The following JAKMIP2 variants were observed in gnomAD, a reference collection of about 807,000 sequenced individuals.
JAKMIP2 encodes the protein janus kinase and microtubule interacting protein 2.
Under a neutral mutation model 115.0 loss-of-function variants are expected in JAKMIP2, and 25 were observed. That is an observed-to-expected ratio of 0.22 (90% CI 0.16 to 0.30). The LOEUF is 0.30. Ranked by LOEUF, JAKMIP2 falls within the 10% of genes least tolerant of loss-of-function variation. The pLI, the probability that JAKMIP2 is intolerant of heterozygous loss-of-function variation, is 1.00. For synonymous variants in JAKMIP2, 334 were observed against 343.6 expected, an observed-to-expected ratio of 0.97 and a Z score of 0.31; for missense variants, 642 against 957.6, an observed-to-expected ratio of 0.67 and a Z score of 4.35.
Position 147,700,280 on chromosome 5 carries a change from T to C in JAKMIP2, c.-148-28326A>G, listed in dbSNP as rs1468815881. Among the ~76,000 whole-genome samples, 4 of 152,036 alleles carry C rather than the reference T, an allele frequency of 2.6e-5. No individual in the cohort carries two copies. In the South Asian group the frequency reaches 6.2e-4, roughly 24 times the overall value. On this transcript the variant is annotated intron_variant, in intron 1 of 21. Transcript: ENST00000616793. ...GATATAAACAAAGAACTAGTGGCTA[T>C]AAAAATAAATCAAACCTTTAGGATG...
chr5:147,700,512 A>G (rs1313856284), intron 1 of JAKMIP2, among the ~76,000 whole-genome samples: 1 of 152,202 alleles, frequency 6.6e-6, no homozygotes, highest in Admixed American at 6.5e-5. Context: ...TGCAGTTTCT[A>G]GGAGAAGAAA....
chr5:147,623,623 T>C lies in JAKMIP2; in HGVS notation c.2062A>G (p.Met688Val), dbSNP rs1235973173. 2 of 1,595,620 alleles carry C rather than the reference T, an allele frequency of 1.3e-6. No homozygotes were observed. The highest frequency in any genetic ancestry group is 1.1e-5 in the South Asian group (1 of 90,710). Reference sequence around the variant, plus strand: ...ACAATATCTCATCTTGTACTTACCATGTCACTTTCCAATTCCATCATTTTC... The same window carrying C: ...ACAATATCTCATCTTGTACTTACCACGTCACTTTCCAATTCCATCATTTTC... ...HQKMMELESDMEQFCKIKGYL... is the reference protein window; with the variant it reads ...HQKMMELESDVEQFCKIKGYL... Residue 688 changes from methionine (M) to valine (V), a missense_variant and splice_region_variant, in exon 17 of 22, where the codon ATG becomes GTG. This residue lies in a region of JAKMIP2 where 68 missense variants were observed against 104.6 expected (regional missense o/e 0.65). Coordinates refer to ENST00000616793, the MANE Select transcript of JAKMIP2 (RefSeq NM_001270941.2).
At chr5:147,697,454 T>A (rs1341400774) in intron 1 of JAKMIP2, among the ~76,000 whole-genome samples, 2 of 152,086 alleles carry the variant, frequency 1.3e-5, no homozygotes, top group Non-Finnish European at 2.9e-5. Context: ...AAAAGCCAAA[T>A]GTTAATCACC....
chr5:147,751,975 T>A (rs1754576938), intron 1 of JAKMIP2, among the ~76,000 whole-genome samples: 1 of 152,122 alleles, frequency 6.6e-6, no homozygotes, highest in African/African-American at 2.4e-5. Context: ...TAAACTAGTA[T>A]GAAAATACAG....
At chr5:147,705,287 G>A (rs1752518489) in intron 1 of JAKMIP2, among the ~76,000 whole-genome samples, 1 of 152,098 alleles carries the variant, frequency 6.6e-6, no homozygotes, top group South Asian at 2.1e-4. Context: ...TTCACTCAGA[G>A]ACAGTGAATG....
At chr5:147,755,411 G>A (rs577127306) in intron 1 of JAKMIP2, among the ~76,000 whole-genome samples, 2 of 152,230 alleles carry the variant, frequency 1.3e-5, no homozygotes, top group African/African-American at 4.8e-5. Flanking sequence ...ACTTCATCAG[G>A]ACCTCCTGAG....
chr5:147,625,075 G>T (rs1055551121), intron 16 of JAKMIP2, among the ~76,000 whole-genome samples: 4 of 152,026 alleles, frequency 2.6e-5, no homozygotes, highest in African/African-American at 9.7e-5. Context: ...CCGCCTCCAG[G>T]TTCAAGCGAT....
intron 1 of JAKMIP2, among the ~76,000 whole-genome samples, chr5:147,695,437 A>G (rs746422002): frequency 6.6e-6 from 1 of 152,148 alleles, no homozygotes; most frequent in Admixed American, 6.6e-5. Flanking sequence ...CAGCTTGGCT[A>G]TATCAGTTCC....
At chr5:147,751,256 G>GTTTTTT (rs59032563) in intron 1 of JAKMIP2, among the ~76,000 whole-genome samples, 20 of 131,572 alleles carry the variant, frequency 1.5e-4, no homozygotes, top group African/African-American at 2.6e-4. Context: ...TTTTGTTGTT[G>GTTTTTT]TTTTTTTTTT....
Position 147,744,834 on chromosome 5 carries a change from C to A in JAKMIP2, c.-149+37622G>T, listed in dbSNP as rs137990846. ...CAGCACTTTGGGAGGCCAAGGTGGGCAGATCATGAGGTCAAGAGATTGAGA... is the reference window on the plus strand; with the variant it reads ...CAGCACTTTGGGAGGCCAAGGTGGGAAGATCATGAGGTCAAGAGATTGAGA... On this transcript the variant is annotated intron_variant, in intron 1 of 21. Coordinates refer to ENST00000616793, the MANE Select transcript of JAKMIP2 (RefSeq NM_001270941.2). Among the ~76,000 whole-genome samples the A allele has an allele frequency of 8.0e-3, 1,218 of 151,956 alleles. 12 individuals carry two copies. Among genetic ancestry groups the A allele is most frequent in the African/African-American group, 0.027 (1,125 of 41,458 alleles).
intron 1 of JAKMIP2, among the ~76,000 whole-genome samples, chr5:147,776,852 C>T (rs926635005): frequency 6.6e-6 from 1 of 152,096 alleles, no homozygotes; most frequent in Non-Finnish European, 1.5e-5. Context: ...CACTTGAATC[C>T]AGCAGGGGGA....
chr5:147,750,675 G>A (rs1165651495), intron 1 of JAKMIP2, among the ~76,000 whole-genome samples: 1 of 151,832 alleles, frequency 6.6e-6, no homozygotes, highest in African/African-American at 2.4e-5. Context: ...AAATTTATAC[G>A]TTGAAGCCTT....
intron 1 of JAKMIP2, among the ~76,000 whole-genome samples, chr5:147,760,404 G>GAA (rs71001455): frequency 7.4e-6 from 1 of 135,810 alleles, no homozygotes; most frequent in African/African-American, 2.7e-5. Context: ...GGCAGTCAGT[G>GAA]AAAAAAAAAA....
At chr5:147,637,436 G>GTTTTTTTTTTTTTTTTTTTTTTTTT (rs1561506660) in intron 10 of JAKMIP2, among the ~76,000 whole-genome samples, 1 of 74,040 alleles carries the variant, frequency 1.4e-5, no homozygotes. Context: ...AAATTCTTTT[G>GTTTTTTTTTTTTTTTTTTTTTTTTT]ATTTTTTTTT....
rs141607489 is a variant in JAKMIP2 at position 147,650,464 on chromosome 5, G to A, written c.711C>T (p.Leu237=). 1.2e-6 allele frequency: 2 copies of A among 1,613,768 alleles called. No homozygotes were observed. Among genetic ancestry groups the A allele is most frequent in the Admixed American group, 3.3e-5 (2 of 59,978 alleles). ...LETQTGYVQK[L]QLQKEALDEQ... is the part of the protein sequence containing the mutation. ...CGTCCAAAGCCTCCTTCTGAAGTTG[G>A]AGTTTCTGTACATAGCCTGTCTGGG... is the stretch of plus-strand genomic sequence containing the variant. The change falls in exon 4 of 22, where the codon CTC becomes CTT. Residue 237 remains leucine (L), a synonymous_variant. Coordinates refer to ENST00000616793, the MANE Select transcript of JAKMIP2 (RefSeq NM_001270941.2).
At chr5:147,775,647 A>G (rs1369758585) in intron 1 of JAKMIP2, among the ~76,000 whole-genome samples, 2 of 152,244 alleles carry the variant, frequency 1.3e-5, no homozygotes, top group African/African-American at 4.8e-5. Context: ...TATCAAAATC[A>G]TAACATCCTG....
rs184993669 is a variant in JAKMIP2 at position 147,588,272 on chromosome 5, T to C, written c.*3435A>G. On this transcript the variant is annotated 3_prime_UTR_variant, in exon 22 of 22. Coordinates refer to ENST00000616793, the MANE Select transcript of JAKMIP2 (RefSeq NM_001270941.2). ...TCAGTTATGTTTATTTTCCAGGGTATGAATATTTTATTGAGAAAAATTAAG... is the reference window on the plus strand; with the variant it reads ...TCAGTTATGTTTATTTTCCAGGGTACGAATATTTTATTGAGAAAAATTAAG... 1 of 152,180 alleles carries C rather than the reference T, an allele frequency of 6.6e-6. No individual in the cohort carries two copies. The highest frequency in any genetic ancestry group is 6.6e-5 in the Admixed American group (1 of 15,266). The allele number at this position is 152,180 out of a possible 1,614,324, so 9.4% of individuals were successfully genotyped here. A position where few individuals can be genotyped will look rare whatever the true frequency, so the allele number is the denominator to read the frequency against.
At chr5:147,598,434 A>ATCTATCTG (rs1456692354) in intron 21 of JAKMIP2, among the ~76,000 whole-genome samples, 3 of 150,642 alleles carry the variant, frequency 2.0e-5, no homozygotes, top group Non-Finnish European at 4.4e-5. Context: ...TCATCTATCT[A>ATCTATCTG]TCTATCTATC....
intron 1 of JAKMIP2, among the ~76,000 whole-genome samples, chr5:147,673,055 T>G (rs904013149): frequency 6.6e-6 from 1 of 152,156 alleles, no homozygotes. Flanking sequence ...GTGTGGTTAT[T>G]CTGGTGGCAG....
Sources: gnomAD v4.1 joint callset for allele counts (sites outside exome capture counted in the v4.1 genomes callset) on GRCh38, gnomAD v4.1.1 for gene constraint, gnomAD v4.1.1 regional missense constraint, MANE v1.5 for transcripts, NCBI Gene and HGNC (gene_info 2026-07-23, HGNC 2026-07-21) for gene names.